The following ZNF563 variants were observed in gnomAD, a reference collection of about 807,000 sequenced individuals.
ZNF563 encodes zinc finger protein 563.
Under a neutral mutation model 48.5 loss-of-function variants are expected in ZNF563, and 39 were observed. The ratio of observed to expected loss-of-function variants is 0.80; its 90% CI spans 0.62 to 1.05. ZNF563 has a LOEUF of 1.05. ZNF563 is among the 50% of genes least tolerant of loss of function. The probability of loss-of-function intolerance (pLI) is 0.00; values close to 1 mark genes in which losing one functional copy is unlikely to be tolerated. For synonymous variants in ZNF563, 168 were observed against 187.9 expected (o/e 0.89, Z 0.87); for missense variants, 538 against 597.0 (o/e 0.90, Z 1.03).
chr19:12,336,521 G>T (rs139579225), upstream of ZNF563, among the ~76,000 whole-genome samples: 7,416 of 152,296 alleles, frequency 0.049, 596 homozygotes, highest in African/African-American at 0.17. Context: ...GAACCCAGGA[G>T]GTGGAGGTTG....
chr19:12,334,847 T>C (rs1292725768), upstream of ZNF563, among the ~76,000 whole-genome samples: 3 of 116,842 alleles, frequency 2.6e-5, no homozygotes, highest in African/African-American at 6.9e-5. Flanking sequence ...CCAGCCTGGG[T>C]GACAGAGTGA....
At chr19:12,322,914 G>A (rs1968672369) in intron 1 of ZNF563, among the ~76,000 whole-genome samples, 1 of 152,206 alleles carries the variant, frequency 6.6e-6, no homozygotes, top group African/African-American at 2.4e-5. Context: ...TAAAGTTACA[G>A]TTGAATAGGA....
At chr19:12,333,437 C>A (rs994520584) in intron 1 of ZNF563, 43 bp downstream of exon 1, 1 of 1,612,600 alleles carries the variant, frequency 6.2e-7, no homozygotes, top group Non-Finnish European at 8.5e-7. Context: ...CGGTTCCAAC[C>A]AGCTCTTTCC....
the ZNF563 span, among the ~76,000 whole-genome samples, chr19:12,343,921 G>A: frequency 2.6e-5 from 4 of 151,462 alleles, no homozygotes; most frequent in East Asian, 7.8e-4. Flanking sequence ...TAGTAGAGAT[G>A]GGTTTCACCG....
intron 3 of ZNF563, among the ~76,000 whole-genome samples, chr19:12,320,236 T>A (rs1461820802): frequency 1.3e-5 from 2 of 152,004 alleles, no homozygotes; most frequent in Non-Finnish European, 2.9e-5. Context: ...TTTTTATCAT[T>A]ACCATGCAAA....
In ZNF563 at chr19:12,318,390, G is replaced by T; in HGVS notation, c.*204C>A. ...CTGTGAGTTGTTTTATGTTGACAAT[G>T]GTGTTAAAAAAAAATCGATCACTTT... On this transcript the variant is annotated 3_prime_UTR_variant, in exon 4 of 4. Transcript: ENST00000293725. The T allele has an allele frequency of 1.7e-6, 1 of 600,366 alleles. No individual in the cohort carries two copies. The highest frequency in any genetic ancestry group is 2.8e-6 in the Non-Finnish European group (1 of 353,002). The allele number at this position is 600,366 out of a possible 1,614,324, so 37.2% of individuals were successfully genotyped here. A position where few individuals can be genotyped will look rare whatever the true frequency, so the allele number is the denominator to read the frequency against.
chr19:12,333,396 G>A (rs1171635485), intron 1 of ZNF563, 84 bp downstream of exon 1: 4 of 1,553,812 alleles, frequency 2.6e-6, no homozygotes, highest in East Asian at 4.7e-5. Context: ...GACGGCGGGG[G>A]AGGCCCACGT....
chr19:12,342,293 C>T, the ZNF563 span, among the ~76,000 whole-genome samples: 3 of 152,168 alleles, frequency 2.0e-5, no homozygotes, highest in South Asian at 2.1e-4. Context: ...GTTGGGATTA[C>T]AGGCATGAGC....
the ZNF563 span, among the ~76,000 whole-genome samples, chr19:12,342,779 T>TAAA: frequency 3.1e-5 from 3 of 96,396 alleles, no homozygotes; most frequent in Non-Finnish European, 7.1e-5. Context: ...TCTCAAAAAT[T>TAAA]AAAAAAAAAA....
the ZNF563 span, chr19:12,346,817 G>A: frequency 3.3e-5 from 5 of 152,168 alleles, no homozygotes; most frequent in African/African-American, 7.2e-5. Context: ...CCTTGAAAAC[G>A]TTCTAAGTGA....
At chr19:12,326,950 G>A (rs1968809621) in intron 1 of ZNF563, among the ~76,000 whole-genome samples, 1 of 152,154 alleles carries the variant, frequency 6.6e-6, no homozygotes, top group African/African-American at 2.4e-5. Flanking sequence ...ATGAATGACA[G>A]TGATGATTCA....
Position 12,319,733 on chromosome 19 carries a change from G to C in ZNF563, c.292C>G (p.Pro98Ala), listed in dbSNP as rs1406979363. Residue 98 changes from proline (P) to alanine (A), a missense_variant, in exon 4 of 4, where the codon CCT becomes GCT. Pro to Ala is a conservative substitution (Grantham distance 27, BLOSUM62 -1). Coordinates refer to ENST00000293725, the MANE Select transcript of ZNF563 (RefSeq NM_145276.3). ...RDSIVNNSIC[P>A]GEDPCQSAEC... ...GCGCTTTGACATGGATCTTCTCCAG[G>C]ACAAATGCTGTTGTTCACAATACTA... 1 of 1,614,078 alleles carries C rather than the reference G, an allele frequency of 6.2e-7. No individual in the cohort carries two copies.
At chr19:12,320,929 C>T (rs1968604264) in intron 3 of ZNF563, among the ~76,000 whole-genome samples, 1 of 151,984 alleles carries the variant, frequency 6.6e-6, no homozygotes, top group Non-Finnish European at 1.5e-5. Context: ...TGCTTGAGCC[C>T]AGGAATTCAA....
At chr19:12,332,600 T>C (rs978042979) in intron 1 of ZNF563, among the ~76,000 whole-genome samples, 2 of 152,146 alleles carry the variant, frequency 1.3e-5, no homozygotes, top group African/African-American at 2.4e-5. Flanking sequence ...ACTTTCTTTA[T>C]GGCCCAAGAC....
Position 12,319,237 on chromosome 19 carries a change from G to C in ZNF563, c.788C>G (p.Pro263Arg), listed in dbSNP as rs765998886. 3.1e-6 allele frequency: 5 copies of C among 1,613,780 alleles called. No individual in the cohort carries two copies. The highest frequency in any genetic ancestry group is 4.2e-6 in the Non-Finnish European group (5 of 1,179,974). Residue 263 changes from proline (P) to arginine (R), a missense_variant, in exon 4 of 4, where the codon CCT becomes CGT. By Grantham distance (103) the Pro-to-Arg change is moderately radical. Coordinates refer to ENST00000293725, the MANE Select transcript of ZNF563 (RefSeq NM_145276.3). ...YECKQCSKAL[P>R]DSSSYIRHER... ...ATGTCTTATATAGGAACTGGAATCA[G>C]GCAAGGCTTTAGAACACTGCTTACA...
Position 12,318,449 on chromosome 19 carries a change from G to T in ZNF563, c.*145C>A. 1.1e-6 allele frequency: 1 copy of T among 908,284 alleles called. No homozygotes were observed. The highest frequency in any genetic ancestry group is 1.6e-6 in the Non-Finnish European group (1 of 610,570). The allele number at this position is 908,284 out of a possible 1,614,324, so 56.3% of individuals were successfully genotyped here. ...CCTTATATCATACAGCATCTCTCCA[G>T]TGTGAGATATTTCATGATTTTGAAA... On this transcript the variant is annotated 3_prime_UTR_variant, in exon 4 of 4. Transcript: ENST00000293725.
upstream of ZNF563, among the ~76,000 whole-genome samples, chr19:12,335,469 T>C (rs551644653): frequency 9.8e-5 from 15 of 152,340 alleles, no homozygotes; most frequent in African/African-American, 2.2e-4. Context: ...CTGGGCCACA[T>C]TGGAAGAAGA....
upstream of ZNF563, chr19:12,333,807 C>T: frequency 2.3e-6 from 1 of 443,100 alleles, no homozygotes; most frequent in Non-Finnish European, 4.1e-6. Context: ...AGCGATCACA[C>T]AGTGCTGAGT....
the ZNF563 span, among the ~76,000 whole-genome samples, chr19:12,345,491 C>T: frequency 3.9e-5 from 6 of 152,126 alleles, no homozygotes; most frequent in East Asian, 1.2e-3. Flanking sequence ...GAAGGACAAT[C>T]TTTCAAAAAA....
Sources: allele counts gnomAD v4.1 joint callset (sites outside exome capture counted in the v4.1 genomes callset), GRCh38; gene constraint gnomAD v4.1.1; transcripts MANE v1.5; gene names NCBI Gene and HGNC (gene_info 2026-07-23, HGNC 2026-07-21).